The following NSD2 variants were observed in gnomAD, a reference collection of about 807,000 sequenced individuals.
NSD2 encodes histone-lysine N-methyltransferase NSD2.
NSD2 carries 12 observed loss-of-function variants against 139.0 expected under a neutral mutation model. The ratio of observed to expected loss-of-function variants is 0.09; its 90% CI spans 0.06 to 0.14. The LOEUF is 0.14. Ranked by LOEUF, NSD2 falls within the 10% of genes least tolerant of loss-of-function variation. The pLI, the probability that NSD2 is intolerant of heterozygous loss-of-function variation, is 1.00. For missense variants in NSD2, 1,155 were observed against 1,745.0 expected, an observed-to-expected ratio of 0.66 and a Z score of 6.02; for synonymous variants, 669 against 648.7, an observed-to-expected ratio of 1.03 and a Z score of -0.48.
intron 1 of NSD2, among the ~76,000 whole-genome samples, chr4:1,880,165 G>A (rs537307367): frequency 6.6e-6 from 1 of 152,078 alleles, no homozygotes; most frequent in Admixed American, 6.6e-5. Flanking sequence ...TTCGGAGTTG[G>A]TGTAATCTTT....
chr4:1,968,433 A>T (rs1485840429), intron 18 of NSD2, among the ~76,000 whole-genome samples: 1 of 152,206 alleles, frequency 6.6e-6, no homozygotes, highest in Non-Finnish European at 1.5e-5. Flanking sequence ...GTGAGGGTGG[A>T]GGGAAGAGAT....
chr4:1,969,051 T>C (rs917277491), intron 18 of NSD2, among the ~76,000 whole-genome samples: 6 of 152,162 alleles, frequency 3.9e-5, no homozygotes, highest in Non-Finnish European at 8.8e-5. Flanking sequence ...AGACCTGCAG[T>C]GTCACCCGGA....
chr4:1,935,555 T>C (rs1049717727), intron 7 of NSD2, among the ~76,000 whole-genome samples: 5 of 152,130 alleles, frequency 3.3e-5, no homozygotes, highest in African/African-American at 9.7e-5. Flanking sequence ...TTGGACAAAA[T>C]TGTCACTAAA....
chr4:1,970,525 A>G (rs1157820472), intron 18 of NSD2, among the ~76,000 whole-genome samples: 1 of 152,174 alleles, frequency 6.6e-6, no homozygotes, highest in Non-Finnish European at 1.5e-5. Flanking sequence ...AGTGTGCCAG[A>G]AGGAGTGATG....
rs975443393 is a variant in NSD2, at chr4:1,976,743, G to C, written c.3826+64G>C. 2.0e-6 allele frequency: 3 copies of C among 1,494,712 alleles called. No individual in the cohort carries two copies. Among genetic ancestry groups the C allele is most frequent in the Non-Finnish European group, 9.0e-7 (1 of 1,114,206 alleles). The allele number at this position is 1,494,712 out of a possible 1,614,324, so 92.6% of individuals were successfully genotyped here. A position where few individuals can be genotyped will look rare whatever the true frequency, so the allele number is the denominator to read the frequency against. ...GTGTGGCAGGCTCCTGATGGCGGCT[G>C]CTGCCGCTCTTCCTGCTGACCGGGC... On this transcript the variant is annotated intron_variant, in intron 21 of 21. Transcript: ENST00000508803. This position sits in a 1 kb window ranked among gnomAD's most constrained non-coding sequence, Gnocchi z 5.3.
intron 4 of NSD2, among the ~76,000 whole-genome samples, chr4:1,917,740 T>G (rs1719586150): frequency 6.6e-6 from 1 of 152,062 alleles, no homozygotes; most frequent in Non-Finnish European, 1.5e-5. Context: ...CTGGCCAAGT[T>G]TTTTATTTCT....
At chr4:1,904,188 G>A in intron 2 of NSD2, 28 bp from the exon 3 acceptor site, 1 of 1,607,196 alleles carries the variant, frequency 6.2e-7, no homozygotes, top group Non-Finnish European at 8.5e-7. Context: ...GGATGTGTTA[G>A]TGTTTGTCTT....
intron 1 of NSD2, among the ~76,000 whole-genome samples, chr4:1,884,701 A>T (rs1020746996): frequency 2.0e-5 from 3 of 151,966 alleles, no homozygotes; most frequent in Admixed American, 6.6e-5. Context: ...CTCGTTCTTT[A>T]TCTGCAAATT....
intron 6 of NSD2, among the ~76,000 whole-genome samples, chr4:1,932,965 CGA>C (rs1721847500): frequency 6.6e-6 from 1 of 152,182 alleles, no homozygotes; most frequent in Non-Finnish European, 1.5e-5. Flanking sequence ...AGGGGGGCCT[CGA>C]GAGTTTGGCT....
rs370045092 is a variant in NSD2 at position 1,946,994 on chromosome 4, G to A, written c.1882-4078G>A. 830 of 1,062,736 alleles carry A rather than the reference G, an allele frequency of 7.8e-4. 14 individuals are homozygous for A. In the South Asian group the frequency reaches 0.03, roughly 39 times the overall value. The allele number at this position is 1,062,736 out of a possible 1,614,324, so 65.8% of individuals were successfully genotyped here. A position where few individuals can be genotyped will look rare whatever the true frequency, so the allele number is the denominator to read the frequency against. On this transcript the variant is annotated intron_variant, in intron 9 of 21. Transcript: ENST00000508803. ...AGCATGCTGACCATCCAGGCATATA[G>A]TATTTTCAAGAAATGACTGAGGTAG...
At chr4:1,944,406 A>AT in intron 9 of NSD2, 1 of 1,065,532 alleles carries the variant, frequency 9.4e-7, no homozygotes, top group Non-Finnish European at 1.1e-6. Flanking sequence ...ATGGTGATAC[A>AT]TTCTAGCCTT....
At chr4:1,951,889 G>A (rs1007869662) in intron 10 of NSD2, 2 of 626,808 alleles carry the variant, frequency 3.2e-6, no homozygotes, top group East Asian at 3.0e-5. Flanking sequence ...CCATTGCTGA[G>A]GACTGGCCTC....
At chr4:1,925,489 C>G (rs902414286) in intron 5 of NSD2, among the ~76,000 whole-genome samples, 2 of 150,162 alleles carry the variant, frequency 1.3e-5, no homozygotes, top group Middle Eastern at 3.2e-3. Flanking sequence ...ACCTCCTCCC[C>G]CCGGGTTCAA....
rs528010618 is a variant in NSD2, at chr4:1,900,372, G to A, written c.-29-254G>A. Reference sequence around the variant, plus strand: ...AGATTATTAGTGGTATGACTGGAGTGTGCTGTCTTGACTGACTTTCATGTT... The same window carrying A: ...AGATTATTAGTGGTATGACTGGAGTATGCTGTCTTGACTGACTTTCATGTT... On this transcript the variant is annotated intron_variant, in intron 1 of 21. Transcript: ENST00000508803. Among the ~76,000 whole-genome samples the A allele has an allele frequency of 7.9e-5, 12 of 152,320 alleles. No individual in the cohort carries two copies. The South Asian group carries it at 2.5e-3, about 32-fold the overall frequency.
At position 1,959,714 on chromosome 4, in the gene NSD2, C is replaced by T. The variant is rs755390867; in HGVS notation, c.3229C>T (p.Leu1077=). 3.8e-5 allele frequency: 61 copies of T among 1,613,928 alleles called. No homozygotes were observed. The highest frequency in any genetic ancestry group is 4.9e-5 in the Non-Finnish European group (58 of 1,179,968). Residue 1077 remains leucine (L), a synonymous_variant, in exon 17 of 22, where the codon CTG becomes TTG. Transcript: ENST00000508803. ...CAAGACAGATGGCAAAGGGTGGGGCCTGGTCGCCAAGAGGGACATCAGAAA... is the reference window on the plus strand; with the variant it reads ...CAAGACAGATGGCAAAGGGTGGGGCTTGGTCGCCAAGAGGGACATCAGAAA... The part of the protein sequence containing the change: ...IIKTDGKGWG[L]VAKRDIRKGE...
chr4:1,967,827 G>A (rs1726044949), intron 18 of NSD2, among the ~76,000 whole-genome samples: 1 of 152,204 alleles, frequency 6.6e-6, no homozygotes, highest in Non-Finnish European at 1.5e-5. Context: ...TCAACAGGCA[G>A]CAGGTGGTTG....
chr4:1,923,550 A>T (rs1244295465), intron 5 of NSD2, among the ~76,000 whole-genome samples: 1 of 152,198 alleles, frequency 6.6e-6, no homozygotes, highest in Non-Finnish European at 1.5e-5. Context: ...AGGTGAGCAG[A>T]CATCAAACTC....
At chr4:1,912,706 A>C (rs540915252) in intron 3 of NSD2, among the ~76,000 whole-genome samples, 4 of 151,670 alleles carry the variant, frequency 2.6e-5, no homozygotes, top group Non-Finnish European at 5.9e-5. Flanking sequence ...CTCCTTCCTT[A>C]CTACTTAGAT....
intron 1 of NSD2, among the ~76,000 whole-genome samples, chr4:1,895,275 T>C (rs547778759): frequency 2.2e-4 from 33 of 152,352 alleles, no homozygotes; most frequent in Non-Finnish European, 3.8e-4. Flanking sequence ...TTTAATTCTT[T>C]TGGGTAGACA....
Sources: gnomAD v4.1 joint callset for allele counts (sites outside exome capture counted in the v4.1 genomes callset) on GRCh38, gnomAD v4.1.1 for gene constraint, Gnocchi (gnomAD v3.1) non-coding constraint, MANE v1.5 for transcripts, NCBI Gene and HGNC (gene_info 2026-07-23, HGNC 2026-07-21) for gene names.